CNTNAP2: variants seen among roughly 807,000 people sequenced by gnomAD.
CNTNAP2 encodes the protein contactin-associated protein-like 2.
In CNTNAP2, 98 loss-of-function variants were observed where a neutral mutation model predicts 155.2. That is an observed-to-expected ratio of 0.63 (90% CI 0.54 to 0.75). CNTNAP2 has a LOEUF of 0.75. CNTNAP2 is among the 30% of genes least tolerant of loss of function. The pLI is 0.00. For missense variants in CNTNAP2, 1,727 were observed against 1,688.1 expected (o/e 1.02, Z -0.40); for synonymous variants, 651 against 631.2 (o/e 1.03, Z -0.47).
chr7:147,786,236 C>G (rs940768882), intron 13 of CNTNAP2, among the ~76,000 whole-genome samples: 3 of 152,228 alleles, frequency 2.0e-5, no homozygotes, highest in African/African-American at 7.2e-5. Flanking sequence ...TGCACCACTG[C>G]ACTCCAGCCT....
At chr7:147,043,780 T>C in intron 3 of CNTNAP2, 127 bp from the exon 4 acceptor site, 1 of 1,172,588 alleles carries the variant, frequency 8.5e-7, no homozygotes. Context: ...TTTCTTCAAA[T>C]TATTTACGGT....
At chr7:146,958,697 G>A (rs1196458835) in intron 3 of CNTNAP2, among the ~76,000 whole-genome samples, 1 of 151,980 alleles carries the variant, frequency 6.6e-6, no homozygotes, top group African/African-American at 2.4e-5. Context: ...ACAGGTGTGA[G>A]CCACCACGGC....
At chr7:147,185,049 C>G (rs146932984) in intron 8 of CNTNAP2, among the ~76,000 whole-genome samples, 1 of 151,960 alleles carries the variant, frequency 6.6e-6, no homozygotes, top group African/African-American at 2.4e-5. Context: ...CCCTGTAAAC[C>G]AGGAGGACAT....
At chr7:147,992,477 T>C (rs1585066585) in intron 15 of CNTNAP2, among the ~76,000 whole-genome samples, 1 of 152,184 alleles carries the variant, frequency 6.6e-6, no homozygotes, top group Non-Finnish European at 1.5e-5. Context: ...TAGGAAATAG[T>C]GCATTTGAAC....
chr7:146,218,005 GT>G (rs1166767442), intron 1 of CNTNAP2, among the ~76,000 whole-genome samples: 1 of 152,060 alleles, frequency 6.6e-6, no homozygotes, highest in African/African-American at 2.4e-5. Flanking sequence ...TAAAATACAT[GT>G]TTTTTAAAAA....
intron 1 of CNTNAP2, among the ~76,000 whole-genome samples, chr7:146,606,083 G>A (rs1366534142): frequency 2.6e-5 from 4 of 152,114 alleles, no homozygotes; most frequent in Non-Finnish European, 4.4e-5. Context: ...AGATTTGATT[G>A]CAGTCATAAA....
chr7:148,220,645 G>A (rs1273254300), intron 19 of CNTNAP2, among the ~76,000 whole-genome samples: 1 of 138,438 alleles, frequency 7.2e-6, no homozygotes, highest in Non-Finnish European at 1.6e-5. Flanking sequence ...AAAAAAAAAA[G>A]CAATAATGTG....
chr7:147,423,686 T>C (rs1436489187), intron 10 of CNTNAP2, among the ~76,000 whole-genome samples: 3 of 152,136 alleles, frequency 2.0e-5, no homozygotes, highest in Non-Finnish European at 4.4e-5. Flanking sequence ...CCCTCCTCCA[T>C]TGATACCATC....
chr7:146,569,094 G>C (rs753031226), intron 1 of CNTNAP2, among the ~76,000 whole-genome samples: 6 of 151,822 alleles, frequency 4.0e-5, no homozygotes, highest in African/African-American at 1.2e-4. Flanking sequence ...TTGGCTCACC[G>C]CAAGGGCTGC....
At chr7:146,621,131 G>T (rs1014163480) in intron 1 of CNTNAP2, among the ~76,000 whole-genome samples, 2 of 152,080 alleles carry the variant, frequency 1.3e-5, no homozygotes, top group African/African-American at 2.4e-5. Context: ...ATAAGGAACC[G>T]TATCCCTACC....
At chr7:147,899,194 G>T (rs1242927953) in intron 13 of CNTNAP2, among the ~76,000 whole-genome samples, 1 of 152,142 alleles carries the variant, frequency 6.6e-6, no homozygotes, top group African/African-American at 2.4e-5. Context: ...ACAAAAATTA[G>T]CCAAGTGTGG....
chr7:146,530,432 G>A (rs1030877977), intron 1 of CNTNAP2, among the ~76,000 whole-genome samples: 3 of 152,040 alleles, frequency 2.0e-5, no homozygotes, highest in Non-Finnish European at 4.4e-5. Context: ...AAAGAGCAAA[G>A]TAAACAGACA....
intron 3 of CNTNAP2, among the ~76,000 whole-genome samples, chr7:147,017,936 C>T (rs1291295278): frequency 1.3e-5 from 2 of 151,908 alleles, no homozygotes; most frequent in Middle Eastern, 3.2e-3. Flanking sequence ...GTAACTGAGC[C>T]ATCATTTCTG....
At chr7:146,724,734 C>T (rs1291306232) in intron 1 of CNTNAP2, among the ~76,000 whole-genome samples, 1 of 151,862 alleles carries the variant, frequency 6.6e-6, no homozygotes, top group African/African-American at 2.4e-5. Flanking sequence ...CCATGCCCAG[C>T]TAATTTTTGT....
intron 12 of CNTNAP2, among the ~76,000 whole-genome samples, chr7:147,603,192 ATGGTATCTCAC>A (rs1800989500): frequency 6.6e-6 from 1 of 151,800 alleles, no homozygotes; most frequent in African/African-American, 2.4e-5. Flanking sequence ...CTGGTGTGAG[ATGGTATCTCAC>A]TGTGGTTTTG....
intron 13 of CNTNAP2, among the ~76,000 whole-genome samples, chr7:147,795,461 C>T (rs1797878283): frequency 6.6e-6 from 1 of 151,786 alleles, no homozygotes; most frequent in African/African-American, 2.4e-5. Context: ...ATATTTTCTC[C>T]TGTTTGTCTT....
chr7:147,811,740 T>A (rs915305711), intron 13 of CNTNAP2, among the ~76,000 whole-genome samples: 6 of 152,220 alleles, frequency 3.9e-5, no homozygotes, highest in African/African-American at 1.4e-4. Context: ...ACTCGCATTC[T>A]TGACCCAAAT....
At chr7:148,164,248 T>G (rs1805606651) in intron 17 of CNTNAP2, among the ~76,000 whole-genome samples, 1 of 152,070 alleles carries the variant, frequency 6.6e-6, no homozygotes, top group South Asian at 2.1e-4. Flanking sequence ...CACCACAGGT[T>G]TTTTTTTAAC....
At chr7:146,353,655 G>GAACT (rs1794954923) in intron 1 of CNTNAP2, among the ~76,000 whole-genome samples, 1 of 152,006 alleles carries the variant, frequency 6.6e-6, no homozygotes, top group Non-Finnish European at 1.5e-5. Flanking sequence ...TCTTAAATAA[G>GAACT]AACTAAGCAT....
Sources: allele counts gnomAD v4.1 joint callset (sites outside exome capture counted in the v4.1 genomes callset), GRCh38; gene constraint gnomAD v4.1.1; transcripts MANE v1.5; gene names NCBI Gene and HGNC (gene_info 2026-07-23, HGNC 2026-07-21).